C7orf78: variants seen among roughly 807,000 people sequenced by gnomAD.
C7orf78 encodes chromosome 7 open reading frame 78.
the C7orf78 span, among the ~76,000 whole-genome samples, chr7:12,522,262 T>C: frequency 0.1 from 15,843 of 152,106 alleles, 1,112 homozygotes; most frequent in Non-Finnish European, 0.15. Context: ...TATATTCTGA[T>C]TGGTAATTAG....
At chr7:12,517,985 T>G in the C7orf78 span, among the ~76,000 whole-genome samples, 1 of 152,212 alleles carries the variant, frequency 6.6e-6, no homozygotes, top group Non-Finnish European at 1.5e-5. Flanking sequence ...TACATATCTA[T>G]GCATCTATGT....
chr7:12,519,763 G>A, the C7orf78 span, among the ~76,000 whole-genome samples: 1 of 152,170 alleles, frequency 6.6e-6, no homozygotes, highest in African/African-American at 2.4e-5. Flanking sequence ...GGGACCCCAA[G>A]CATCTTTGGG....
chr7:12,523,194 C>A, the C7orf78 span: 6 of 398,058 alleles, frequency 1.5e-5, no homozygotes, highest in African/African-American at 1.0e-4. Flanking sequence ...TTGAGAATTC[C>A]AGAAAGATCA....
At chr7:12,492,859 A>G in the C7orf78 span, among the ~76,000 whole-genome samples, 41 of 152,344 alleles carry the variant, frequency 2.7e-4, 1 homozygote, top group East Asian at 6.8e-3. Context: ...ACTTTAGGAA[A>G]GAAAAATGTG....
At chr7:12,501,223 C>A in the C7orf78 span, among the ~76,000 whole-genome samples, 2 of 143,214 alleles carry the variant, frequency 1.4e-5, no homozygotes, top group African/African-American at 5.3e-5. Flanking sequence ...GTTGGAAGTT[C>A]TGGCCAGGGC....
chr7:12,525,326 A>G, the C7orf78 span, among the ~76,000 whole-genome samples: 1 of 152,162 alleles, frequency 6.6e-6, no homozygotes, highest in Non-Finnish European at 1.5e-5. Flanking sequence ...GTAGTAGCTT[A>G]TAAAAAAACA....
At chr7:12,535,770 A>G in the C7orf78 span, among the ~76,000 whole-genome samples, 2 of 152,228 alleles carry the variant, frequency 1.3e-5, no homozygotes, top group Non-Finnish European at 2.9e-5. Flanking sequence ...GCAATTCCAA[A>G]TGGGAGAAAT....
the C7orf78 span, among the ~76,000 whole-genome samples, chr7:12,486,686 G>A: frequency 1.2e-4 from 18 of 152,030 alleles, no homozygotes; most frequent in African/African-American, 4.1e-4. Flanking sequence ...TGTGGGCTCT[G>A]GATAGAGTCA....
chr7:12,536,718 G>A, the C7orf78 span, among the ~76,000 whole-genome samples: 26,991 of 152,018 alleles, frequency 0.18, 3,059 homozygotes, highest in East Asian at 0.34. Context: ...CCCAAGTCAC[G>A]TCTTAAATGC....
the C7orf78 span, among the ~76,000 whole-genome samples, chr7:12,484,634 A>G: frequency 6.6e-6 from 1 of 152,212 alleles, no homozygotes; most frequent in East Asian, 1.9e-4. Context: ...ATATTCTGCT[A>G]TCAGTCACTT....
At chr7:12,499,454 A>T in the C7orf78 span, among the ~76,000 whole-genome samples, 1 of 150,182 alleles carries the variant, frequency 6.7e-6, no homozygotes, top group African/African-American at 2.4e-5. Flanking sequence ...AACAGACTTT[A>T]AACCAACAAA....
chr7:12,504,533 C>T, the C7orf78 span: 1 of 152,132 alleles, frequency 6.6e-6, no homozygotes, highest in African/African-American at 2.4e-5. Context: ...TTATGAAAAG[C>T]TATCTTTCAA....
the C7orf78 span, among the ~76,000 whole-genome samples, chr7:12,517,105 G>C: frequency 6.6e-6 from 1 of 151,854 alleles, no homozygotes; most frequent in Non-Finnish European, 1.5e-5. Flanking sequence ...ATCTTGAATT[G>C]TACTCCCATA....
the C7orf78 span, among the ~76,000 whole-genome samples, chr7:12,527,342 T>C: frequency 7.7e-6 from 1 of 130,560 alleles, no homozygotes; most frequent in Admixed American, 8.7e-5. Flanking sequence ...TCAGCTTTCC[T>C]AGTATATGCT....
chr7:12,486,656 A>G, the C7orf78 span, among the ~76,000 whole-genome samples: 134,731 of 151,952 alleles, frequency 0.89, 59,981 homozygotes, highest in East Asian at 0.97. Context: ...TCTAACATAC[A>G]ATAGCATTTT....
chr7:12,527,186 G>C, the C7orf78 span, among the ~76,000 whole-genome samples: 6 of 143,272 alleles, frequency 4.2e-5, no homozygotes, highest in African/African-American at 1.7e-4. Flanking sequence ...AGCTTTCCTA[G>C]TATATGCTAT....
the C7orf78 span, among the ~76,000 whole-genome samples, chr7:12,486,253 T>C: frequency 1.3e-5 from 2 of 152,072 alleles, no homozygotes; most frequent in Non-Finnish European, 2.9e-5. Context: ...CCATTCCATC[T>C]AGCATTAAAA....
chr7:12,516,051 C>G, the C7orf78 span, among the ~76,000 whole-genome samples: 5 of 152,270 alleles, frequency 3.3e-5, no homozygotes, highest in Middle Eastern at 3.4e-3. Flanking sequence ...TGTTAATTCC[C>G]AAGAGAATGG....
chr7:12,532,219 C>G, the C7orf78 span, among the ~76,000 whole-genome samples: 1 of 152,042 alleles, frequency 6.6e-6, no homozygotes, highest in Non-Finnish European at 1.5e-5. Flanking sequence ...ACAGGCTGCT[C>G]TTTTTTAGGA....
Sources: gnomAD v4.1 joint callset for allele counts (sites outside exome capture counted in the v4.1 genomes callset) on GRCh38, gnomAD v4.1.1 for gene constraint, MANE v1.5 for transcripts, NCBI Gene and HGNC (gene_info 2026-07-23, HGNC 2026-07-21) for gene names.